Variants in CCDC85C observed in about 807,000 individuals in gnomAD.
The protein encoded by CCDC85C is coiled-coil domain-containing protein 85C.
CCDC85C carries 18 observed loss-of-function variants against 38.3 expected under a neutral mutation model. The ratio of observed to expected loss-of-function variants is 0.47; its 90% CI spans 0.33 to 0.70. The LOEUF (loss-of-function observed/expected upper bound fraction) is 0.70. CCDC85C is among the 30% of genes least tolerant of loss of function. The probability of loss-of-function intolerance (pLI) is 0.03; values close to 1 mark genes in which losing one functional copy is unlikely to be tolerated. For synonymous variants in CCDC85C, 264 were observed against 293.8 expected, an observed-to-expected ratio of 0.90 and a Z score of 1.04; for missense variants, 566 against 621.2, an observed-to-expected ratio of 0.91 and a Z score of 0.94.
At chr14:99,594,987 A>T (rs1331868516) in intron 1 of CCDC85C, among the ~76,000 whole-genome samples, 3 of 152,202 alleles carry the variant, frequency 2.0e-5, no homozygotes, top group Admixed American at 1.3e-4. Flanking sequence ...TAGGACTTCT[A>T]ACAGGTAACT....
rs975942306 is a variant in CCDC85C at position 99,545,112 on chromosome 14, C to A, written c.794-9024G>T. 6.6e-5 allele frequency among the ~76,000 whole-genome samples: 10 copies of A among 152,318 alleles called. No individual in the cohort carries two copies. Among genetic ancestry groups the A allele is most frequent in the East Asian group, 3.9e-4 (2 of 5,188 alleles). On this transcript the variant is annotated intron_variant, in intron 1 of 5. Coordinates refer to ENST00000380243, the MANE Select transcript of CCDC85C (RefSeq NM_001144995.2). The surrounding 1 kb of genome is among the most constrained non-coding windows in gnomAD (Gnocchi z 4.7). ...AAATCTCCTGGTGCTGGCCGGTCAG[C>A]CTTCCCCAGTGAGTGCACGCCTGTC...
chr14:99,511,117 T>C lies in CCDC85C; in HGVS notation c.*4129A>G, dbSNP rs1047921195. ...ATAAATAGCTTCGGTAAGGAGTTAA[T>C]TTCCTTCTAGAAATCAGTGCCTATT... On this transcript the variant is annotated 3_prime_UTR_variant, in exon 6 of 6. Coordinates refer to ENST00000380243, the MANE Select transcript of CCDC85C (RefSeq NM_001144995.2). 1 of 190,638 alleles carries C rather than the reference T, an allele frequency of 5.2e-6. No homozygotes were observed. The highest frequency in any genetic ancestry group is 1.1e-5 in the Non-Finnish European group (1 of 93,574). The allele number at this position is 190,638 out of a possible 1,614,324, so 11.8% of individuals were successfully genotyped here. A position where few individuals can be genotyped will look rare whatever the true frequency, so the allele number is the denominator to read the frequency against.
At chr14:99,575,421 C>G (rs1018488447) in intron 1 of CCDC85C, among the ~76,000 whole-genome samples, 2 of 152,192 alleles carry the variant, frequency 1.3e-5, no homozygotes, top group African/African-American at 2.4e-5. Context: ...ACCCTCACCC[C>G]CTTCTGTTGG....
chr14:99,510,526 C>G lies in CCDC85C; in HGVS notation c.*4720G>C, dbSNP rs1412522062. 1.6e-5 allele frequency: 9 copies of G among 553,000 alleles called. No homozygotes were observed. Among genetic ancestry groups the G allele is most frequent in the Admixed American group, 5.6e-5 (2 of 36,016 alleles). 34.3% of individuals were successfully genotyped at this position (553,000 alleles called of 1,614,324 possible). On this transcript the variant is annotated 3_prime_UTR_variant, in exon 6 of 6. Transcript: ENST00000380243. ...CCTCCTCCCCCAGCCTCCTTCCCCC[C>G]ACCTGCCATCCCACCCCCTACTCCT...
intron 5 of CCDC85C, among the ~76,000 whole-genome samples, chr14:99,515,553 C>A (rs1043948401): frequency 6.6e-6 from 1 of 152,196 alleles, no homozygotes; most frequent in African/African-American, 2.4e-5. Context: ...GGGTGTGGCT[C>A]AGCCTTGCAG....
At chr14:99,527,579 C>T (rs1897410496) in intron 2 of CCDC85C, among the ~76,000 whole-genome samples, 1 of 152,174 alleles carries the variant, frequency 6.6e-6, no homozygotes, top group African/African-American at 2.4e-5. Flanking sequence ...CCCAGCAGCT[C>T]CCCAGTCCCA....
Position 99,603,046 on chromosome 14 carries a change from G to A in CCDC85C, c.793+121C>T. 8.4e-7 allele frequency: 1 copy of A among 1,191,180 alleles called. No individual in the cohort carries two copies. Among genetic ancestry groups the A allele is most frequent in the Non-Finnish European group, 1.1e-6 (1 of 944,448 alleles). 73.8% of individuals were successfully genotyped at this position (1,191,180 alleles called of 1,614,324 possible). On this transcript the variant is annotated intron_variant, in intron 1 of 5. Transcript: ENST00000380243. The surrounding 1 kb of genome is among the most constrained non-coding windows in gnomAD (Gnocchi z 7.5). ...CCCTGGCCCAGGATCCATGACAGCT[G>A]GAGGAGTCTGGAGTGGCGGCCGCAT...
intron 1 of CCDC85C, among the ~76,000 whole-genome samples, chr14:99,546,057 T>TG (rs113645352): frequency 0.014 from 2,093 of 145,596 alleles, 13 homozygotes; most frequent in African/African-American, 0.03. Flanking sequence ...GAAGTCTGCA[T>TG]GGGGGGGGGG....
chr14:99,510,159 C>T lies in CCDC85C; in HGVS notation c.*5087G>A, dbSNP rs755631919. The T allele has an allele frequency of 3.9e-5, 62 of 1,595,192 alleles. No individual in the cohort carries two copies. Among genetic ancestry groups the T allele is most frequent in the Non-Finnish European group, 5.0e-5 (59 of 1,174,606 alleles). On this transcript the variant is annotated 3_prime_UTR_variant, in exon 6 of 6. Coordinates refer to ENST00000380243, the MANE Select transcript of CCDC85C (RefSeq NM_001144995.2). ...ACTGATGCGTCTCTCTCCTGCAGACCGGAAGCCTCCCCTCGCTGCTGCCTT... is the reference window on the plus strand; with the variant it reads ...ACTGATGCGTCTCTCTCCTGCAGACTGGAAGCCTCCCCTCGCTGCTGCCTT...
At chr14:99,536,514 C>A (rs1327396583) in intron 1 of CCDC85C, among the ~76,000 whole-genome samples, 1 of 152,074 alleles carries the variant, frequency 6.6e-6, no homozygotes, top group African/African-American at 2.4e-5. Context: ...ACAGCCCACC[C>A]CAGGGTCGGG....
rs537803828 is a variant in CCDC85C at position 99,572,815 on chromosome 14, G to C, written c.793+30352C>G. The C allele has an allele frequency of 2.2e-6, 1 of 456,102 alleles. No homozygotes were observed. The highest frequency in any genetic ancestry group is 2.0e-5 in the African/African-American group (1 of 50,204). The allele number at this position is 456,102 out of a possible 1,614,324, so 28.3% of individuals were successfully genotyped here. On this transcript the variant is annotated intron_variant, in intron 1 of 5. Coordinates refer to ENST00000380243, the MANE Select transcript of CCDC85C (RefSeq NM_001144995.2). This position sits in a 1 kb window ranked among gnomAD's most constrained non-coding sequence, Gnocchi z 4.4. The stretch of plus-strand genomic sequence containing the variant: ...TGTCTTGCTTCATGGAAGTATCCCA[G>C]GAGCATGGAAACGGGGCCTGGTGTG...
intron 1 of CCDC85C, among the ~76,000 whole-genome samples, chr14:99,579,318 C>G (rs553782654): frequency 3.9e-5 from 6 of 152,358 alleles, no homozygotes; most frequent in Non-Finnish European, 8.8e-5. Context: ...TGTCCCTGTG[C>G]ACACCTGTGG....
intron 1 of CCDC85C, among the ~76,000 whole-genome samples, chr14:99,549,471 C>T (rs1471270821): frequency 6.6e-6 from 1 of 152,194 alleles, no homozygotes; most frequent in African/African-American, 2.4e-5. Context: ...AAGCCACCCA[C>T]CAGCACACAG....
At chr14:99,595,036 C>T (rs1035437128) in intron 1 of CCDC85C, among the ~76,000 whole-genome samples, 2 of 152,174 alleles carry the variant, frequency 1.3e-5, no homozygotes, top group Non-Finnish European at 2.9e-5. Context: ...AAGGTTAGAG[C>T]TAGAACTGCC....
At position 99,558,007 on chromosome 14, in the gene CCDC85C, C is replaced by A. The variant is rs1898045288; in HGVS notation, c.794-21919G>T. On this transcript the variant is annotated intron_variant, in intron 1 of 5. Transcript: ENST00000380243. This position sits in a 1 kb window ranked among gnomAD's most constrained non-coding sequence, Gnocchi z 4.2. ...AAATAGCTGAAAGGATGAAATATCA[C>A]AGAAGAAAGTGCGTGTGCAGCTTAA... is the stretch of plus-strand genomic sequence containing the variant. Among the ~76,000 whole-genome samples, 1 of 152,204 alleles carries A rather than the reference C, an allele frequency of 6.6e-6. No individual in the cohort carries two copies. Among genetic ancestry groups the A allele is most frequent in the South Asian group, 2.1e-4 (1 of 4,832 alleles).
At chr14:99,543,565 T>C (rs1041217811) in intron 1 of CCDC85C, among the ~76,000 whole-genome samples, 4 of 152,082 alleles carry the variant, frequency 2.6e-5, no homozygotes, top group Admixed American at 6.5e-5. Context: ...GAGGTGACAC[T>C]CGAGCTGAGC....
chr14:99,536,098 C>T lies in CCDC85C; in HGVS notation c.794-10G>A, dbSNP rs772687203. 1 of 1,544,530 alleles carries T rather than the reference C, an allele frequency of 6.5e-7. No homozygotes were observed. The highest frequency in any genetic ancestry group is 8.8e-7 in the Non-Finnish European group (1 of 1,140,606). On this transcript the variant is annotated splice_polypyrimidine_tract_variant and intron_variant, in intron 1 of 5. Transcript: ENST00000380243. ...TAGGTGGATGAGGGATCTGGAAGGA[C>T]ACAAGAGGAAGGGGGACATTAGCCT...
Position 99,502,391 on chromosome 14 carries a change from A to C in CCDC85C, c.*12855T>G. On this transcript the variant is annotated 3_prime_UTR_variant, in exon 6 of 6. Transcript: ENST00000380243. ...CGTTTTGGAAGGTACCAGGCATGCT[A>C]AGCGTTCTCGTGAGGGTGTTCCATG... The C allele has an allele frequency of 6.2e-7, 1 of 1,611,918 alleles. No individual in the cohort carries two copies. Among genetic ancestry groups the C allele is most frequent in the Middle Eastern group, 1.7e-4 (1 of 6,056 alleles).
chr14:99,570,046 G>C (rs971951388), intron 1 of CCDC85C, among the ~76,000 whole-genome samples: 1 of 152,072 alleles, frequency 6.6e-6, no homozygotes, highest in Non-Finnish European at 1.5e-5. Context: ...TGTGGGGACA[G>C]GGAGGACTCC....
Sources: gnomAD v4.1 joint callset for allele counts (sites outside exome capture counted in the v4.1 genomes callset) on GRCh38, gnomAD v4.1.1 for gene constraint, Gnocchi (gnomAD v3.1) non-coding constraint, MANE v1.5 for transcripts, NCBI Gene and HGNC (gene_info 2026-07-23, HGNC 2026-07-21) for gene names.